The following BASP1 variants were observed in gnomAD, a reference collection of about 807,000 sequenced individuals.
BASP1 encodes the protein brain abundant membrane attached signal protein 1.
In BASP1, 1 loss-of-function variant was observed where a neutral mutation model predicts 2.2. That is an observed-to-expected ratio of 0.46 (90% CI 0.16 to 2.17). The LOEUF is 2.17. Among genes scored for constraint, BASP1 ranks in the 30% most tolerant of loss-of-function variants. The pLI is 0.27. For missense variants in BASP1, 352 were observed against 327.2 expected (o/e 1.08, Z -0.58); for synonymous variants, 187 against 154.2 (o/e 1.21, Z -1.58).
chr5:17,240,273 G>C (rs1314600154), intron 1 of BASP1, among the ~76,000 whole-genome samples: 1 of 152,076 alleles, frequency 6.6e-6, no homozygotes, highest in Non-Finnish European at 1.5e-5. Context: ...GGTGGCTCAC[G>C]CCTGTAATCC....
rs1740648961 is a variant in BASP1 at position 17,275,956 on chromosome 5, TC to T, written c.*57del. The T allele has an allele frequency of 1.4e-6, 2 of 1,400,102 alleles. No individual in the cohort carries two copies. Among genetic ancestry groups the T allele is most frequent in the East Asian group, 5.1e-5 (2 of 39,286 alleles). The allele number at this position is 1,400,102 out of a possible 1,614,324, so 86.7% of individuals were successfully genotyped here. On this transcript the variant is annotated 3_prime_UTR_variant, in exon 2 of 2. Transcript: ENST00000322611. This position sits in a 1 kb window ranked among gnomAD's most constrained non-coding sequence, Gnocchi z 5.3. ...CTTAAAACAATCTCCTCTCTCTCTC[TC>T]TCTCTCTCTCTCTATCTCTCTCTCT...
At chr5:17,250,439 A>G (rs1740079219) in intron 1 of BASP1, among the ~76,000 whole-genome samples, 1 of 152,192 alleles carries the variant, frequency 6.6e-6, no homozygotes, top group South Asian at 2.1e-4. Flanking sequence ...TACAGCATCA[A>G]TATATAATTT....
At chr5:17,258,102 G>A (rs911961458) in intron 1 of BASP1, among the ~76,000 whole-genome samples, 2 of 152,174 alleles carry the variant, frequency 1.3e-5, no homozygotes, top group Non-Finnish European at 2.9e-5. Flanking sequence ...GATAGGGAGA[G>A]TAGGTCTGGG....
At chr5:17,222,462 T>C (rs1306959643) in intron 1 of BASP1, among the ~76,000 whole-genome samples, 1 of 152,204 alleles carries the variant, frequency 6.6e-6, no homozygotes, top group Non-Finnish European at 1.5e-5. Flanking sequence ...GAGGCAGACG[T>C]CTAGGTAAGT....
upstream of BASP1, chr5:17,217,071 T>TGAGAGTGAGA (rs1554025512): frequency 6.9e-5 from 7 of 102,048 alleles, no homozygotes; most frequent in South Asian, 1.3e-3. Flanking sequence ...AGAGAGAGAG[T>TGAGAGTGAGA]GAGAGAGAGA....
chr5:17,232,565 C>G (rs1739655240), intron 1 of BASP1, among the ~76,000 whole-genome samples: 1 of 152,114 alleles, frequency 6.6e-6, no homozygotes, highest in South Asian at 2.1e-4. Flanking sequence ...ACCTGTGGTC[C>G]AGTAAAGGGC....
intron 1 of BASP1, among the ~76,000 whole-genome samples, chr5:17,261,099 G>T (rs1311778871): frequency 2.0e-5 from 3 of 152,172 alleles, no homozygotes; most frequent in Non-Finnish European, 4.4e-5. Context: ...AAAGATGGAT[G>T]GTTTATCTAA....
chr5:17,237,314 A>C (rs546607697), intron 1 of BASP1, among the ~76,000 whole-genome samples: 1 of 152,314 alleles, frequency 6.6e-6, no homozygotes, highest in East Asian at 1.9e-4. Flanking sequence ...ACTGCACTCC[A>C]GCCTGGGCGA....
At chr5:17,274,180 GTA>G (rs1740582125) in intron 1 of BASP1, among the ~76,000 whole-genome samples, 1 of 152,178 alleles carries the variant, frequency 6.6e-6, no homozygotes. Flanking sequence ...GAACGTGCAT[GTA>G]TAGTTTGAAT....
rs148081358 is a variant in BASP1 at position 17,234,062 on chromosome 5, T to C, written c.-10+16252T>C. On this transcript the variant is annotated intron_variant, in intron 1 of 1. Transcript: ENST00000322611. ...AGTAGAATTGCTTCAACCCAGGAGGTGGAGGTTGTAGTGAGTTGAGATCGC... is the reference window on the plus strand; with the variant it reads ...AGTAGAATTGCTTCAACCCAGGAGGCGGAGGTTGTAGTGAGTTGAGATCGC... 1.6e-3 allele frequency among the ~76,000 whole-genome samples: 236 copies of C among 151,954 alleles called. 7 individuals carry two copies. In the East Asian group the frequency reaches 0.041, roughly 27 times the overall value.
chr5:17,276,010 C>A lies in BASP1; in HGVS notation c.*110C>A. The A allele has an allele frequency of 2.2e-6, 2 of 901,674 alleles. No homozygotes were observed. The highest frequency in any genetic ancestry group is 1.7e-5 in the African/African-American group (1 of 57,812). 55.9% of individuals were successfully genotyped at this position (901,674 alleles called of 1,614,324 possible). ...CTCCTCTCTCTCTCTCCTCTCCTAT[C>A]TCTCCTCTCTCTCTCTCCTATACTA... On this transcript the variant is annotated 3_prime_UTR_variant, in exon 2 of 2. Coordinates refer to ENST00000322611, the MANE Select transcript of BASP1 (RefSeq NM_006317.5).
At chr5:17,221,567 G>A (rs994427003) in intron 1 of BASP1, among the ~76,000 whole-genome samples, 4 of 152,000 alleles carry the variant, frequency 2.6e-5, no homozygotes, top group African/African-American at 7.3e-5. Flanking sequence ...TGGAAACCAG[G>A]TAACTGCTGG....
At chr5:17,254,588 G>A (rs1407286541) in intron 1 of BASP1, among the ~76,000 whole-genome samples, 1 of 152,220 alleles carries the variant, frequency 6.6e-6, no homozygotes, top group Non-Finnish European at 1.5e-5. Flanking sequence ...AAAGCATTCA[G>A]TTTGCAACGG....
At position 17,276,767 on chromosome 5, in the gene BASP1, G is replaced by T. The variant is rs915588460; in HGVS notation, c.*867G>T. ...AAAAAAAACAAAAAAATGTACAATG[G>T]ATGCATTGAAATTATATGTAATTGT... On this transcript the variant is annotated 3_prime_UTR_variant, in exon 2 of 2. Transcript: ENST00000322611. The T allele has an allele frequency of 6.1e-6, 1 of 165,030 alleles. No homozygotes were observed. The highest frequency in any genetic ancestry group is 1.5e-5 in the Non-Finnish European group (1 of 67,904). 10.2% of individuals were successfully genotyped at this position (165,030 alleles called of 1,614,324 possible).
At chr5:17,264,771 C>T (rs974592161) in intron 1 of BASP1, among the ~76,000 whole-genome samples, 2 of 152,196 alleles carry the variant, frequency 1.3e-5, no homozygotes, top group African/African-American at 4.8e-5. Context: ...TCTCCATTGT[C>T]ATCTGTCTGA....
intron 1 of BASP1, among the ~76,000 whole-genome samples, chr5:17,242,265 A>G (rs1739877989): frequency 6.6e-6 from 1 of 152,226 alleles, no homozygotes; most frequent in African/African-American, 2.4e-5. Context: ...TTTTGTATAT[A>G]TATACCTGTG....
At chr5:17,240,466 G>C (rs1365624764) in intron 1 of BASP1, 1 of 152,188 alleles carries the variant, frequency 6.6e-6, no homozygotes, top group Admixed American at 6.5e-5. Flanking sequence ...AATCTGGGAG[G>C]CAGAGGTTGA....
rs572334317 is a variant in BASP1 at position 17,266,225 on chromosome 5, G to A, written c.-9-8983G>A. ...AGAAGTTTAAGGAACAGTATATGTG[G>A]CTTCAATTTCCATAAGTTAAAAATG... On this transcript the variant is annotated intron_variant, in intron 1 of 1. Transcript: ENST00000322611. Among the ~76,000 whole-genome samples, 80 of 152,272 alleles carry A rather than the reference G, an allele frequency of 5.3e-4. 2 individuals carry two copies. In the South Asian group the frequency reaches 0.016, roughly 31 times the overall value.
At chr5:17,218,227 C>G (rs1461328689) in intron 1 of BASP1, among the ~76,000 whole-genome samples, 1 of 114,132 alleles carries the variant, frequency 8.8e-6, no homozygotes, top group East Asian at 3.0e-4. Context: ...CCTTACCAGC[C>G]TGGGAGAAAG....
Sources: allele counts gnomAD v4.1 joint callset (sites outside exome capture counted in the v4.1 genomes callset), GRCh38; gene constraint gnomAD v4.1.1; non-coding constraint Gnocchi (gnomAD v3.1); transcripts MANE v1.5; gene names NCBI Gene and HGNC (gene_info 2026-07-23, HGNC 2026-07-21).